LHFPL3: variants seen among roughly 807,000 people sequenced by gnomAD.
LHFPL3 encodes LHFPL tetraspan subfamily member 3 protein.
LHFPL3 carries 5 observed loss-of-function variants against 19.3 expected under a neutral mutation model. The ratio of observed to expected loss-of-function variants is 0.26; its 90% CI spans 0.14 to 0.54. The LOEUF is 0.54. Among genes scored for constraint, LHFPL3 ranks in the 20% least tolerant of loss-of-function variants. The pLI is 0.94. For synonymous variants in LHFPL3, 133 were observed against 126.2 expected (o/e 1.05, Z -0.36); for missense variants, 249 against 307.4 (o/e 0.81, Z 1.42).
intron 2 of LHFPL3, among the ~76,000 whole-genome samples, chr7:104,743,339 G>C (rs1793972570): frequency 6.6e-6 from 1 of 152,032 alleles, no homozygotes; most frequent in South Asian, 2.1e-4. Context: ...GTGTCCATGT[G>C]AACACCTTAA....
intron 1 of LHFPL3, among the ~76,000 whole-genome samples, chr7:104,700,849 T>A (rs1793088261): frequency 6.6e-6 from 1 of 152,212 alleles, no homozygotes; most frequent in African/African-American, 2.4e-5. Flanking sequence ...TTCTGTCCAA[T>A]TGCTTTCTTT....
At chr7:104,638,225 GTACATTGATTTTA>G (rs887762294) in intron 1 of LHFPL3, among the ~76,000 whole-genome samples, 9 of 152,082 alleles carry the variant, frequency 5.9e-5, no homozygotes, top group African/African-American at 1.9e-4. Context: ...ACTGATTTTT[GTACATTGATTTTA>G]TATTCTGAAA....
chr7:104,474,687 C>CAAAAAAAAA (rs928431129), intron 1 of LHFPL3, among the ~76,000 whole-genome samples: 53 of 40,856 alleles, frequency 1.3e-3, no homozygotes, highest in Non-Finnish European at 1.8e-3. Flanking sequence ...ACAACAACAA[C>CAAAAAAAAA]AAAAAAAAAA....
At chr7:104,702,881 G>A (rs372509621) in intron 1 of LHFPL3, among the ~76,000 whole-genome samples, 37 of 152,180 alleles carry the variant, frequency 2.4e-4, no homozygotes, top group Non-Finnish European at 5.1e-4. Flanking sequence ...TTTACTGCTT[G>A]TCTAACTGTT....
chr7:104,807,011 ATGTGTGTG>A (rs10665231), intron 2 of LHFPL3, among the ~76,000 whole-genome samples: 3,327 of 139,732 alleles, frequency 0.024, 52 homozygotes, highest in Middle Eastern at 0.043. Context: ...CAAAATATAT[ATGTGTGTG>A]TGTGTGTGTG....
rs11358035 is a variant in LHFPL3, at chr7:104,398,060, C to CTT, written c.445+68850_445+68851dup. On this transcript the variant is annotated intron_variant, in intron 1 of 2. Transcript: ENST00000424859. ...TGGGTATTATCTTCTATGCATTTAA[C>CTT]TTTTTTTTTTTTTTTGTAAGTCTCT... Among the ~76,000 whole-genome samples, 55 of 141,772 alleles carry CTT rather than the reference C, an allele frequency of 3.9e-4. 1 individual carries two copies. The highest frequency in any genetic ancestry group is 1.8e-4 in the Non-Finnish European group (12 of 65,044). 93.0% of individuals were successfully genotyped at this position (141,772 alleles called of 152,430 possible). A position where few individuals can be genotyped will look rare whatever the true frequency, so the allele number is the denominator to read the frequency against.
chr7:104,391,905 C>A (rs538390365), intron 1 of LHFPL3, among the ~76,000 whole-genome samples: 6 of 152,256 alleles, frequency 3.9e-5, no homozygotes, highest in Admixed American at 1.3e-4. Context: ...CTTCACATCC[C>A]TTGTAAGTTG....
intron 2 of LHFPL3, among the ~76,000 whole-genome samples, chr7:104,892,702 C>T (rs1367771527): frequency 1.2e-5 from 1 of 85,152 alleles, no homozygotes; most frequent in Non-Finnish European, 2.1e-5. Flanking sequence ...CAGAGTGAGA[C>T]TGTCTCAAAA....
chr7:104,653,980 G>A (rs1041303242), intron 1 of LHFPL3, among the ~76,000 whole-genome samples: 3 of 152,158 alleles, frequency 2.0e-5, no homozygotes, highest in Non-Finnish European at 4.4e-5. Flanking sequence ...TTAATTGGGA[G>A]CAACTTCCTG....
At chr7:104,602,972 G>A (rs1333454108) in intron 1 of LHFPL3, among the ~76,000 whole-genome samples, 1 of 152,082 alleles carries the variant, frequency 6.6e-6, no homozygotes, top group African/African-American at 2.4e-5. Context: ...ATATTCATGA[G>A]GCCAGAGCCA....
At chr7:104,860,818 T>G (rs1218776710) in intron 2 of LHFPL3, among the ~76,000 whole-genome samples, 1 of 152,208 alleles carries the variant, frequency 6.6e-6, no homozygotes, top group Non-Finnish European at 1.5e-5. Context: ...AATAAAATAT[T>G]TAAGCTTATA....
intron 1 of LHFPL3, among the ~76,000 whole-genome samples, chr7:104,429,914 G>A (rs998275380): frequency 6.6e-6 from 1 of 152,078 alleles, no homozygotes; most frequent in Non-Finnish European, 1.5e-5. Context: ...AAAGCAATGT[G>A]CCTGCCTGCT....
chr7:104,580,749 T>G (rs180813010), intron 1 of LHFPL3, among the ~76,000 whole-genome samples: 232 of 152,166 alleles, frequency 1.5e-3, no homozygotes, highest in African/African-American at 4.7e-3. Context: ...TTTTTTCCAC[T>G]ACAGATTAGA....
chr7:104,737,483 C>T (rs934499969), intron 2 of LHFPL3, among the ~76,000 whole-genome samples: 11 of 152,116 alleles, frequency 7.2e-5, no homozygotes, highest in African/African-American at 2.7e-4. Flanking sequence ...TATCAAAAGT[C>T]CTCAGATTTC....
chr7:104,837,306 T>C (rs1044628504), intron 2 of LHFPL3, among the ~76,000 whole-genome samples: 4 of 152,184 alleles, frequency 2.6e-5, no homozygotes, highest in South Asian at 2.1e-4. Context: ...CTAGAGCTGA[T>C]TGGACCACAC....
chr7:104,410,391 C>G (rs1455631319), intron 1 of LHFPL3, among the ~76,000 whole-genome samples: 1 of 152,180 alleles, frequency 6.6e-6, no homozygotes, highest in Non-Finnish European at 1.5e-5. Flanking sequence ...CCTTGGCCTC[C>G]CAAAGTGCTG....
At chr7:104,522,131 C>T (rs1794077732) in intron 1 of LHFPL3, among the ~76,000 whole-genome samples, 1 of 152,020 alleles carries the variant, frequency 6.6e-6, no homozygotes, top group Non-Finnish European at 1.5e-5. Flanking sequence ...AGACTTGGAA[C>T]CAACCCAAAT....
chr7:104,426,467 G>C (rs867273961), intron 1 of LHFPL3, among the ~76,000 whole-genome samples: 1 of 152,046 alleles, frequency 6.6e-6, no homozygotes, highest in African/African-American at 2.4e-5. Flanking sequence ...TGTTGGTCAG[G>C]CTTGTCTGGA....
intron 1 of LHFPL3, among the ~76,000 whole-genome samples, chr7:104,333,026 G>A (rs1182318925): frequency 1.3e-5 from 2 of 151,908 alleles, no homozygotes; most frequent in Non-Finnish European, 2.9e-5. Flanking sequence ...GTCAAGCAGG[G>A]TAATAAAGTC....
Sources: allele counts gnomAD v4.1 joint callset (sites outside exome capture counted in the v4.1 genomes callset), GRCh38; gene constraint gnomAD v4.1.1; transcripts MANE v1.5; gene names NCBI Gene and HGNC (gene_info 2026-07-23, HGNC 2026-07-21).